The following FREM1 variants were observed in gnomAD, a reference collection of about 807,000 sequenced individuals.
FREM1 encodes FRAS1 related extracellular matrix 1, also known as FRAS1-related extracellular matrix protein 1.
A neutral mutation model predicts 210.1 loss-of-function variants in FREM1; 220 were observed. That is an observed-to-expected ratio of 1.05 (90% CI 0.94 to 1.17). The LOEUF (loss-of-function observed/expected upper bound fraction) is 1.17, where lower values mean the gene tolerates loss of function less well. FREM1 is among the 50% of genes most tolerant of loss of function. The pLI is 0.00. For missense variants in FREM1, 3,454 were observed against 2,675.5 expected, an observed-to-expected ratio of 1.29 and a Z score of -6.42; for synonymous variants, 1,189 against 980.2, an observed-to-expected ratio of 1.21 and a Z score of -3.98.
intron 27 of FREM1, among the ~76,000 whole-genome samples, chr9:14,760,686 C>G (rs568029229): frequency 6.6e-6 from 1 of 152,154 alleles, no homozygotes; most frequent in Non-Finnish European, 1.5e-5. Flanking sequence ...AAAGTCATGA[C>G]AAAGCTAATA....
chr9:14,850,095 C>A (rs912740140), intron 6 of FREM1, among the ~76,000 whole-genome samples: 1 of 152,170 alleles, frequency 6.6e-6, no homozygotes, highest in Non-Finnish European at 1.5e-5. Flanking sequence ...GCTCAAGTCT[C>A]TATCAGTCTG....
chr9:14,776,304 G>A (rs1174813617), intron 24 of FREM1, 101 bp from the exon 25 acceptor site: 15 of 1,301,048 alleles, frequency 1.2e-5, no homozygotes, highest in East Asian at 2.5e-5. Context: ...GGGTATTGTC[G>A]TGTTGTGACT....
intron 21 of FREM1, 116 bp from the exon 22 acceptor site, chr9:14,793,000 A>G (rs1007988404): frequency 3.1e-6 from 2 of 653,390 alleles, no homozygotes; most frequent in Non-Finnish European, 5.0e-6. Flanking sequence ...ATGACATTCA[A>G]TATTCAAAGC....
intron 24 of FREM1, among the ~76,000 whole-genome samples, chr9:14,778,373 G>A (rs556836629): frequency 2.0e-5 from 3 of 151,566 alleles, no homozygotes; most frequent in Admixed American, 1.3e-4. Context: ...TACCTTGGCT[G>A]GCCAAGGCGG....
chr9:14,857,501 G>T, intron 5 of FREM1, 52 bp downstream of exon 5: 2 of 1,446,968 alleles, frequency 1.4e-6, no homozygotes, highest in Non-Finnish European at 1.9e-6. Context: ...CTGTGTAACT[G>T]GCTCTCTTAC....
chr9:14,767,005 A>G (rs1009286903), intron 27 of FREM1, among the ~76,000 whole-genome samples: 2 of 152,180 alleles, frequency 1.3e-5, no homozygotes, highest in Non-Finnish European at 2.9e-5. Context: ...TTTGTTAAGG[A>G]GTTTAAATAC....
chr9:14,749,986 C>G (rs1843069343), intron 30 of FREM1, 141 bp downstream of exon 30: 1 of 814,020 alleles, frequency 1.2e-6, no homozygotes, highest in Non-Finnish European at 2.0e-6. Context: ...AATAAAGGGC[C>G]TACATCACGA....
intron 24 of FREM1, among the ~76,000 whole-genome samples, chr9:14,777,458 CA>C (rs1483949610): frequency 6.6e-6 from 1 of 152,094 alleles, no homozygotes; most frequent in East Asian, 1.9e-4. Flanking sequence ...TAGAAATAAT[CA>C]CAGAATTGTG....
chr9:14,871,069 G>T lies in FREM1; in HGVS notation c.-267-1825C>A, dbSNP rs550916707. 3.3e-5 allele frequency among the ~76,000 whole-genome samples: 5 copies of T among 152,194 alleles called. No individual in the cohort carries two copies. The South Asian group carries it at 1.0e-3, about 32-fold the overall frequency. ...CAGTCTATCATGGCTGGACATTTGG[G>T]TTGGTTCCAAGTCTTTGCTATTGTG... On this transcript the variant is annotated intron_variant, in intron 1 of 36. Coordinates refer to ENST00000380880, the MANE Select transcript of FREM1 (RefSeq NM_001379081.2).
Position 14,851,661 on chromosome 9 carries a change from T to C in FREM1, c.829-54A>G, listed in dbSNP as rs939549302. ...AGGAAATAATATGAATGAGGTGATA[T>C]CATACAGGGCTAATAGCATAATATT... On this transcript the variant is annotated intron_variant, in intron 5 of 36. Coordinates refer to ENST00000380880, the MANE Select transcript of FREM1 (RefSeq NM_001379081.2). 7 of 1,263,038 alleles carry C rather than the reference T, an allele frequency of 5.5e-6. No individual in the cohort carries two copies. The South Asian group carries it at 6.0e-5, about 11-fold the overall frequency. 78.2% of individuals were successfully genotyped at this position (1,263,038 alleles called of 1,614,324 possible). A position where few individuals can be genotyped will look rare whatever the true frequency, so the allele number is the denominator to read the frequency against.
chr9:14,824,837 G>C lies in FREM1; in HGVS notation c.2037C>G (p.Val679=), dbSNP rs1822038927. 2 of 1,613,024 alleles carry C rather than the reference G, an allele frequency of 1.2e-6. No individual in the cohort carries two copies. Among genetic ancestry groups the C allele is most frequent in the East Asian group, 2.2e-5 (1 of 44,850 alleles). Residue 679 remains valine (V), a synonymous_variant, in exon 11 of 37, where the codon GTC becomes GTG. Transcript: ENST00000380880. ...AAAATGGAGGAGTAGTTATTGTGTA[G>C]ACCAGCTCCCTGTCATATGATTCTG... is the stretch of plus-strand genomic sequence containing the variant. The part of the protein sequence containing the change: ...IDSESYDREL[V]YTITTPPFFS...
intron 4 of FREM1, among the ~76,000 whole-genome samples, 154 bp downstream of exon 4, chr9:14,859,029 T>C (rs1247919044): frequency 1.3e-5 from 2 of 152,128 alleles, no homozygotes; most frequent in Non-Finnish European, 2.9e-5. Flanking sequence ...GTCTTTCTGA[T>C]TGTAAAGTCT....
rs769698982 is a variant in FREM1 at position 14,851,443 on chromosome 9, C to A, written c.993G>T (p.Leu331Phe). The change falls in exon 6 of 37, where the codon TTG (leucine) becomes TTT (phenylalanine). Residue 331 changes from leucine to phenylalanine, a missense_variant. Leu to Phe is a conservative substitution (Grantham distance 22). Transcript: ENST00000380880. ...GGGCTTTAGTAATGTTGAACACCAG[C>A]AAGGGTTTAGGGGTCTCATCTTCTT... is the stretch of plus-strand genomic sequence containing the variant. The part of the protein sequence containing the change: ...DCEEDETPKP[L>F]LVFNITKAPL... 3 of 1,613,932 alleles carry A rather than the reference C, an allele frequency of 1.9e-6. No individual in the cohort carries two copies. Among genetic ancestry groups the A allele is most frequent in the Non-Finnish European group, 2.5e-6 (3 of 1,179,876 alleles).
At chr9:14,855,792 G>A (rs902025406) in intron 5 of FREM1, among the ~76,000 whole-genome samples, 1 of 151,264 alleles carries the variant, frequency 6.6e-6, no homozygotes, top group African/African-American at 2.4e-5. Flanking sequence ...CAATAAAACA[G>A]ATTTTAAAAT....
chr9:14,781,327 T>C (rs1323680662), intron 24 of FREM1, among the ~76,000 whole-genome samples: 3 of 152,194 alleles, frequency 2.0e-5, no homozygotes, highest in African/African-American at 7.2e-5. Context: ...AAATAAGGGA[T>C]TGCACCAAAT....
intron 15 of FREM1, among the ~76,000 whole-genome samples, chr9:14,813,381 C>T (rs757973308): frequency 6.6e-6 from 1 of 152,196 alleles, no homozygotes; most frequent in African/African-American, 2.4e-5. Context: ...ACCAAAGCCC[C>T]TATCCTCTTT....
In FREM1 at chr9:14,757,649, T is replaced by C. The variant is rs954327871; in HGVS notation, c.5335-1203A>G. Among the ~76,000 whole-genome samples, 4 of 151,406 alleles carry C rather than the reference T, an allele frequency of 2.6e-5. No individual in the cohort carries two copies. The East Asian group carries it at 7.7e-4, about 29-fold the overall frequency. On this transcript the variant is annotated intron_variant, in intron 28 of 36. Coordinates refer to ENST00000380880, the MANE Select transcript of FREM1 (RefSeq NM_001379081.2). ...ATTTCTGTTACTTGTGTGTATTTTT[T>C]AGATGTTTAAGATGGTCAGGAATGT...
Position 14,816,842 on chromosome 9 carries a change from T to C in FREM1, c.2576A>G (p.Gln859Arg). The change falls in exon 15 of 37, where the codon CAG becomes CGG. Residue 859 changes from glutamine (Q) to arginine (R), a missense_variant. Gln to Arg is a conservative substitution (Grantham distance 43). Transcript: ENST00000380880. The stretch of plus-strand genomic sequence containing the variant: ...GGTGACCTCCAAGAGTAGGTCATCC[T>C]GAAGAACTTCAGTTCCATCATGTTG... ...RYQHDGTEVL[Q>R]DDLLLEVTDG... 7.0e-7 allele frequency: 1 copy of C among 1,436,190 alleles called. No homozygotes were observed. Among genetic ancestry groups the C allele is most frequent in the Non-Finnish European group, 9.4e-7 (1 of 1,063,590 alleles). The allele number at this position is 1,436,190 out of a possible 1,614,324, so 89.0% of individuals were successfully genotyped here.
chr9:14,759,387 G>C (rs572835262), intron 28 of FREM1, among the ~76,000 whole-genome samples: 1 of 152,084 alleles, frequency 6.6e-6, no homozygotes, highest in East Asian at 1.9e-4. Context: ...GCAGGTGCCT[G>C]TAATCCCAGC....
Sources: gnomAD v4.1 joint callset for allele counts (sites outside exome capture counted in the v4.1 genomes callset) on GRCh38, gnomAD v4.1.1 for gene constraint, MANE v1.5 for transcripts, NCBI Gene and HGNC (gene_info 2026-07-23, HGNC 2026-07-21) for gene names.